COL28A1: variants seen among roughly 807,000 people sequenced by gnomAD.
The protein encoded by COL28A1 is collagen alpha-1(XXVIII) chain.
COL28A1 carries 161 observed loss-of-function variants against 150.2 expected under a neutral mutation model. The ratio of observed to expected loss-of-function variants is 1.07; its 90% CI spans 0.94 to 1.22. The LOEUF is 1.22. Ranked by LOEUF, COL28A1 falls within the 50% of genes most tolerant of loss-of-function variation. COL28A1 has a pLI of 0.00. For missense variants in COL28A1, 1,617 were observed against 1,388.3 expected, an observed-to-expected ratio of 1.16 and a Z score of -2.62; for synonymous variants, 552 against 469.7, an observed-to-expected ratio of 1.18 and a Z score of -2.26.
intron 11 of COL28A1, among the ~76,000 whole-genome samples, chr7:7,502,031 A>T (rs1780559407): frequency 6.6e-6 from 1 of 152,142 alleles, no homozygotes; most frequent in Non-Finnish European, 1.5e-5. Context: ...AGTAGCTGGG[A>T]TCACAGGCGC....
At chr7:7,439,915 G>A (rs1455138084) in intron 21 of COL28A1, among the ~76,000 whole-genome samples, 1 of 152,194 alleles carries the variant, frequency 6.6e-6, no homozygotes, top group Non-Finnish European at 1.5e-5. Flanking sequence ...GTGTACAGGT[G>A]ATGTTTTGTA....
rs573639558 is a variant in COL28A1, at chr7:7,424,127, G to C, written c.1999-4174C>G. Among the ~76,000 whole-genome samples the C allele has an allele frequency of 6.0e-4, 92 of 152,252 alleles. 3 individuals are homozygous for C. In the South Asian group the frequency reaches 7.9e-3, roughly 13 times the overall value. The stretch of plus-strand genomic sequence containing the variant: ...TAGCAATGCTTTTGTGAATCTAATA[G>C]ACTTTAAATCAAGTCTTAACGTTCT... On this transcript the variant is annotated intron_variant, in intron 25 of 34. Transcript: ENST00000399429.
At chr7:7,435,925 G>A (rs539748701) in intron 23 of COL28A1, among the ~76,000 whole-genome samples, 3 of 152,114 alleles carry the variant, frequency 2.0e-5, no homozygotes, top group Non-Finnish European at 4.4e-5. Flanking sequence ...ATGGTGCTTC[G>A]TTGCCATGAA....
At chr7:7,390,943 A>AT (rs983072556) in intron 27 of COL28A1, among the ~76,000 whole-genome samples, 1 of 151,986 alleles carries the variant, frequency 6.6e-6, no homozygotes, top group Non-Finnish European at 1.5e-5. Context: ...GGATTCACTG[A>AT]TTTTTTGAAG....
chr7:7,531,253 C>T (rs979129428), intron 3 of COL28A1, 95 bp downstream of exon 3: 2 of 555,730 alleles, frequency 3.6e-6, no homozygotes, highest in African/African-American at 3.9e-5. Flanking sequence ...CTCATTTTCT[C>T]CATCTTTTTG....
chr7:7,371,345 G>C (rs1781213068), intron 32 of COL28A1, among the ~76,000 whole-genome samples: 1 of 152,224 alleles, frequency 6.6e-6, no homozygotes, highest in Admixed American at 6.5e-5. Context: ...TTCACAGCTG[G>C]GTGAGATTGA....
At chr7:7,349,363 G>T in the COL28A1 span, among the ~76,000 whole-genome samples, 1 of 152,058 alleles carries the variant, frequency 6.6e-6, no homozygotes, top group African/African-American at 2.4e-5. Flanking sequence ...TTCTATCCCA[G>T]TATTAGCACC....
Position 7,370,894 on chromosome 7 carries a change from G to A in COL28A1, c.2909-12C>T, listed in dbSNP as rs756833153. 13 of 1,575,092 alleles carry A rather than the reference G, an allele frequency of 8.3e-6. No homozygotes were observed. Among genetic ancestry groups the A allele is most frequent in the Non-Finnish European group, 1.0e-5 (12 of 1,146,632 alleles). On this transcript the variant is annotated splice_polypyrimidine_tract_variant and intron_variant, in intron 32 of 34. Transcript: ENST00000399429. The stretch of plus-strand genomic sequence containing the variant: ...TTGCTTCAGGGTGTCTTTTAAAAAA[G>A]AAGTAGAAAAGAGAGATAGTAGAAG...
At chr7:7,425,045 C>A (rs1041441281) in intron 25 of COL28A1, among the ~76,000 whole-genome samples, 1 of 151,976 alleles carries the variant, frequency 6.6e-6, no homozygotes, top group Non-Finnish European at 1.5e-5. Context: ...AGTAAATCTT[C>A]ACTTTGGTTA....
the COL28A1 span, among the ~76,000 whole-genome samples, chr7:7,542,842 A>G: frequency 7.9e-5 from 12 of 152,184 alleles, no homozygotes; most frequent in African/African-American, 2.9e-4. Context: ...AAGGCTCTCA[A>G]GTACCAGCAA....
chr7:7,527,781 T>C (rs561109013), intron 3 of COL28A1, among the ~76,000 whole-genome samples: 8 of 152,272 alleles, frequency 5.3e-5, no homozygotes, highest in Middle Eastern at 3.4e-3. Context: ...AATGCTAGAA[T>C]GGAATCACCA....
At chr7:7,479,173 C>G (rs755659780) in intron 13 of COL28A1, among the ~76,000 whole-genome samples, 41 of 152,224 alleles carry the variant, frequency 2.7e-4, no homozygotes, top group Non-Finnish European at 5.0e-4. Context: ...ACCAATCCCC[C>G]ATGAATACCA....
intron 13 of COL28A1, among the ~76,000 whole-genome samples, chr7:7,477,693 A>G (rs939952521): frequency 1.3e-5 from 2 of 152,158 alleles, no homozygotes; most frequent in East Asian, 1.9e-4. Context: ...TACAGCTCAT[A>G]TAGGCAGTGT....
chr7:7,508,903 G>A (rs748620301), intron 9 of COL28A1, among the ~76,000 whole-genome samples: 7 of 151,852 alleles, frequency 4.6e-5, no homozygotes, highest in African/African-American at 1.2e-4. Flanking sequence ...GCACAATCTC[G>A]GTCCACTGCA....
At chr7:7,417,353 A>C (rs1307986327) in intron 27 of COL28A1, among the ~76,000 whole-genome samples, 1 of 150,842 alleles carries the variant, frequency 6.6e-6, no homozygotes, top group African/African-American at 2.4e-5. Context: ...CAGCACTCAC[A>C]CTCTACTCCC....
chr7:7,346,843 A>G, the COL28A1 span, among the ~76,000 whole-genome samples: 1 of 152,122 alleles, frequency 6.6e-6, no homozygotes, highest in African/African-American at 2.4e-5. Flanking sequence ...TAGCAAATAT[A>G]TCACGAGAAA....
chr7:7,434,752 A>G (rs897390714), intron 23 of COL28A1, among the ~76,000 whole-genome samples: 4 of 152,176 alleles, frequency 2.6e-5, no homozygotes, highest in African/African-American at 9.7e-5. Flanking sequence ...GCAGGTTTTT[A>G]TTTTGGACTC....
chr7:7,473,691 T>TA (rs1367672046), intron 15 of COL28A1, among the ~76,000 whole-genome samples: 1 of 152,148 alleles, frequency 6.6e-6, no homozygotes, highest in Non-Finnish European at 1.5e-5. Context: ...ACTGGGTATC[T>TA]ACCCAGAGGA....
chr7:7,527,896 G>T (rs1782118398), intron 3 of COL28A1, among the ~76,000 whole-genome samples: 1 of 152,092 alleles, frequency 6.6e-6, no homozygotes, highest in African/African-American at 2.4e-5. Context: ...CACTCGGTAG[G>T]CAAGGGGAAC....
Sources: allele counts gnomAD v4.1 joint callset (sites outside exome capture counted in the v4.1 genomes callset), GRCh38; gene constraint gnomAD v4.1.1; transcripts MANE v1.5; gene names NCBI Gene and HGNC (gene_info 2026-07-23, HGNC 2026-07-21).